Variants in PICALM observed in about 807,000 individuals in gnomAD.
The protein encoded by PICALM is phosphatidylinositol binding clathrin assembly protein, also known as phosphatidylinositol-binding clathrin assembly protein.
A neutral mutation model predicts 80.5 loss-of-function variants in PICALM; 40 were observed. That is an observed-to-expected ratio of 0.50 (90% CI 0.39 to 0.65). PICALM has a LOEUF of 0.65. PICALM is among the 30% of genes least tolerant of loss of function. The pLI, the probability that PICALM is intolerant of heterozygous loss-of-function variation, is 0.00. For missense variants in PICALM, 676 were observed against 778.9 expected (o/e 0.87, Z 1.57); for synonymous variants, 288 against 260.3 (o/e 1.11, Z -1.02).
chr11:85,990,443 A>T (rs758355709), intron 12 of PICALM, 44 bp from the exon 13 acceptor site: 73 of 1,293,532 alleles, frequency 5.6e-5, no homozygotes, highest in Non-Finnish European at 7.3e-5. Context: ...GAAAGGAAGT[A>T]AATAAATTAG....
At chr11:86,062,282 C>T (rs939779639) in intron 1 of PICALM, among the ~76,000 whole-genome samples, 34 of 152,074 alleles carry the variant, frequency 2.2e-4, no homozygotes, top group Non-Finnish European at 7.4e-5. Flanking sequence ...TTTGGGAGGC[C>T]GAGGTGGGTG....
intron 1 of PICALM, among the ~76,000 whole-genome samples, chr11:86,059,087 G>A (rs1256069827): frequency 6.6e-6 from 1 of 152,092 alleles, no homozygotes; most frequent in African/African-American, 2.4e-5. Context: ...TTTTATCAAT[G>A]TTACTGACTC....
At chr11:85,966,644 T>C (rs1370233894) in intron 19 of PICALM, among the ~76,000 whole-genome samples, 1 of 152,164 alleles carries the variant, frequency 6.6e-6, no homozygotes, top group Non-Finnish European at 1.5e-5. Context: ...GTTGAAGTCC[T>C]AACCCCTGGT....
intron 7 of PICALM, among the ~76,000 whole-genome samples, chr11:86,009,448 T>C (rs763541485): frequency 2.0e-5 from 3 of 152,088 alleles, no homozygotes; most frequent in African/African-American, 4.8e-5. Context: ...TCCCAGCACT[T>C]TGGGAGGCCC....
intron 12 of PICALM, among the ~76,000 whole-genome samples, chr11:85,994,485 A>C (rs1286310740): frequency 6.6e-6 from 1 of 152,228 alleles, no homozygotes; most frequent in Non-Finnish European, 1.5e-5. Flanking sequence ...GGTGTTTAAA[A>C]GAACTAAATT....
chr11:85,990,008 CAAAAAA>C (rs5793177), intron 13 of PICALM, among the ~76,000 whole-genome samples: 1 of 89,334 alleles, frequency 1.1e-5, no homozygotes, highest in African/African-American at 4.6e-5. Flanking sequence ...AACCAAACAC[CAAAAAA>C]AAAAAAAAAA....
At chr11:86,007,659 G>A (rs1592833511) in intron 7 of PICALM, 76 bp from the exon 8 acceptor site, 16 of 496,098 alleles carry the variant, frequency 3.2e-5, no homozygotes, top group Middle Eastern at 6.1e-4. Flanking sequence ...ATGACATCAC[G>A]GCTAGTACCA....
At chr11:85,979,615 T>C (rs1196773656) in intron 17 of PICALM, among the ~76,000 whole-genome samples, 1 of 152,206 alleles carries the variant, frequency 6.6e-6, no homozygotes, top group African/African-American at 2.4e-5. Flanking sequence ...TTACTTTCCA[T>C]TTATGAAGTC....
intron 11 of PICALM, among the ~76,000 whole-genome samples, chr11:85,998,907 C>T (rs12281958): frequency 0.19 from 29,604 of 152,092 alleles, 3,210 homozygotes; most frequent in Middle Eastern, 0.24. Context: ...AACAGGCACA[C>T]GCCACCACAC....
chr11:85,971,914 C>G lies in PICALM; in HGVS notation c.1944+2794G>C, dbSNP rs190656736. ...TCCCCCACCTCAGCCTCCCAAGTAGCTGGGATTCCAGACATGCACCACCAA... is the reference window on the plus strand; with the variant it reads ...TCCCCCACCTCAGCCTCCCAAGTAGGTGGGATTCCAGACATGCACCACCAA... On this transcript the variant is annotated intron_variant, in intron 19 of 19. Transcript: ENST00000393346. 5.7e-3 allele frequency among the ~76,000 whole-genome samples: 864 copies of G among 152,178 alleles called. 10 individuals are homozygous for G. The highest frequency in any genetic ancestry group is 0.02 in the African/African-American group (819 of 41,548).
chr11:86,049,725 GC>G (rs952587610), intron 1 of PICALM, among the ~76,000 whole-genome samples: 1 of 150,904 alleles, frequency 6.6e-6, no homozygotes, highest in Admixed American at 6.6e-5. Flanking sequence ...GAGCCACCAT[GC>G]CTGGCCTCTT....
intron 1 of PICALM, among the ~76,000 whole-genome samples, chr11:86,067,154 G>C (rs1037937709): frequency 6.6e-6 from 1 of 152,162 alleles, no homozygotes; most frequent in Non-Finnish European, 1.5e-5. Context: ...ACAGTAACTT[G>C]GAAGAATCTA....
chr11:86,044,872 C>T (rs1224674118), intron 1 of PICALM, among the ~76,000 whole-genome samples: 2 of 152,212 alleles, frequency 1.3e-5, no homozygotes, highest in Non-Finnish European at 2.9e-5. Flanking sequence ...GGAACAGTTT[C>T]ATCCCGAAAC....
At chr11:86,004,079 T>C (rs750889035) in intron 8 of PICALM, among the ~76,000 whole-genome samples, 2 of 152,214 alleles carry the variant, frequency 1.3e-5, no homozygotes, top group Non-Finnish European at 2.9e-5. Flanking sequence ...CCCAATTCCA[T>C]TCCTATTTAC....
chr11:86,016,891 G>T lies in PICALM; in HGVS notation c.453-1928C>A, dbSNP rs180892587. ...AGAAAATAACAAAAAGCAATTGTCT[G>T]GTCTTCTTGCCACCCAAACTATATT... On this transcript the variant is annotated intron_variant, in intron 4 of 19. Coordinates refer to ENST00000393346, the MANE Select transcript of PICALM (RefSeq NM_007166.4). Among the ~76,000 whole-genome samples, 191 of 152,228 alleles carry T rather than the reference G, an allele frequency of 1.3e-3. 2 individuals are homozygous for T. The highest frequency in any genetic ancestry group is 8.8e-5 in the Non-Finnish European group (6 of 68,014).
chr11:86,054,217 T>G (rs1267171190), intron 1 of PICALM, among the ~76,000 whole-genome samples: 1 of 152,238 alleles, frequency 6.6e-6, no homozygotes, highest in Non-Finnish European at 1.5e-5. Context: ...TTTAGCCCCC[T>G]GCACATGTGC....
chr11:85,989,243 A>C (rs1037640215), intron 13 of PICALM, among the ~76,000 whole-genome samples: 1 of 152,222 alleles, frequency 6.6e-6, no homozygotes, highest in African/African-American at 2.4e-5. Flanking sequence ...CTTTGGATAT[A>C]TATGTGTTTT....
intron 9 of PICALM, 60 bp downstream of exon 9, chr11:86,003,306 G>T: frequency 1.1e-6 from 1 of 938,944 alleles, no homozygotes; most frequent in Non-Finnish European, 1.7e-6. Flanking sequence ...ACTTGAGCTG[G>T]TTTCATCTAC....
At chr11:85,978,192 T>G (rs2094338608) in intron 17 of PICALM, 3 of 976,180 alleles carry the variant, frequency 3.1e-6, no homozygotes, top group South Asian at 1.3e-5. Context: ...TTAGTTCACA[T>G]GTACATTCAC....
Sources: allele counts gnomAD v4.1 joint callset (sites outside exome capture counted in the v4.1 genomes callset), GRCh38; gene constraint gnomAD v4.1.1; transcripts MANE v1.5; gene names NCBI Gene and HGNC (gene_info 2026-07-23, HGNC 2026-07-21).